The following IKBKG variants were observed in gnomAD, a reference collection of about 807,000 sequenced individuals.
IKBKG encodes NF-kappa-B essential modulator.
IKBKG carries 2 observed loss-of-function variants against 13.7 expected under a neutral mutation model. The observed-to-expected ratio is 0.15, with a 90% CI of 0.06 to 0.46. The LOEUF is 0.46. Ranked by LOEUF, IKBKG falls within the 20% of genes least tolerant of loss-of-function variation. The probability of loss-of-function intolerance (pLI) is 0.98; values close to 1 mark genes in which losing one functional copy is unlikely to be tolerated. For synonymous variants in IKBKG, 22 were observed against 64.4 expected, an observed-to-expected ratio of 0.34 and a Z score of 3.15; for missense variants, 53 against 150.3, an observed-to-expected ratio of 0.35 and a Z score of 3.39.
chrX:154,550,787 C>T (rs781899866), intron 1 of IKBKG, among the ~76,000 whole-genome samples: 2 of 110,413 alleles, frequency 1.8e-5, no homozygotes, highest in South Asian at 3.9e-4. Flanking sequence ...ACTACAGGCG[C>T]GTGTCACCAC....
chrX:154,548,489 C>CA (rs1477650164), intron 1 of IKBKG, among the ~76,000 whole-genome samples: 3 of 112,604 alleles, frequency 2.7e-5, no homozygotes, highest in Non-Finnish European at 5.6e-5. Flanking sequence ...AGCTCAGAGA[C>CA]AGTGCTTTGA....
Position 154,551,993 on chromosome X carries a change from G to T in IKBKG, c.-10G>T, listed in dbSNP as rs2070945639. ...CTGCTGCCTTTCTCTTTCAGCCCTT[G>T]CCCTGTTGGATGAATAGGCACCTCT... On this transcript the variant is annotated 5_prime_UTR_variant, in exon 2 of 10. Coordinates refer to ENST00000594239, the MANE Select transcript of IKBKG (RefSeq NM_001099857.5). 1 of 1,070,785 alleles carries T rather than the reference G, an allele frequency of 9.3e-7. No individual in the cohort carries two copies. The highest frequency in any genetic ancestry group is 1.2e-6 in the Non-Finnish European group (1 of 818,001). The allele number at this position is 1,070,785 out of a possible 1,213,427, so 88.2% of individuals were successfully genotyped here.
At chrX:154,555,855 C>G (rs368005587) in intron 2 of IKBKG, among the ~76,000 whole-genome samples, 1 of 113,090 alleles carries the variant, frequency 8.8e-6, no homozygotes, top group African/African-American at 3.2e-5. Context: ...GCTGGGATTA[C>G]AGGCATGAGC....
At chrX:154,547,326 C>T (rs1603415982), upstream of IKBKG, 1 of 754,873 alleles carries the variant, frequency 1.3e-6, no homozygotes, top group Non-Finnish European at 1.6e-6. Context: ...TCAAGCCGGC[C>T]CTATTGGGCA....
At chrX:154,555,039 C>G (rs2148374635) in intron 2 of IKBKG, among the ~76,000 whole-genome samples, 1 of 111,786 alleles carries the variant, frequency 8.9e-6, no homozygotes, top group South Asian at 3.7e-4. Context: ...TGCTGACTGC[C>G]TGGCACTGGC....
upstream of IKBKG, chrX:154,547,146 G>T (rs1557233792): frequency 6.2e-6 from 1 of 161,237 alleles, no homozygotes; most frequent in African/African-American, 3.1e-5. Context: ...TCGCCGGCCC[G>T]GCCCCGCCCC....
chrX:154,553,258 C>T (rs1251558882), intron 2 of IKBKG, among the ~76,000 whole-genome samples: 3 of 112,525 alleles, frequency 2.7e-5, no homozygotes, highest in Non-Finnish European at 1.9e-5. Flanking sequence ...AGCTCCTGGG[C>T]GAGGTGGCAT....
intron 1 of IKBKG, among the ~76,000 whole-genome samples, chrX:154,551,558 G>A (rs922398450): frequency 5.4e-5 from 6 of 111,601 alleles, no homozygotes; most frequent in African/African-American, 1.3e-4. Flanking sequence ...CCCTTTTCCC[G>A]AATCACATAT....
chrX:154,550,019 C>T (rs1466250530), intron 1 of IKBKG, among the ~76,000 whole-genome samples: 4 of 111,747 alleles, frequency 3.6e-5, no homozygotes, highest in East Asian at 5.6e-4. Flanking sequence ...GTTTTCATTT[C>T]TCTCCGGTAT....
chrX:154,547,304 C>A, upstream of IKBKG: 7 of 751,524 alleles, frequency 9.3e-6, no homozygotes, highest in Non-Finnish European at 1.1e-5. Flanking sequence ...GGAACCCTCG[C>A]CTGTTCGCGG....
upstream of IKBKG, chrX:154,547,465 T>C (rs2148356193): frequency 1.3e-6 from 1 of 754,185 alleles, no homozygotes; most frequent in Non-Finnish European, 1.6e-6. Context: ...TGCTTATCAT[T>C]ACCGAGCTTC....
intron 2 of IKBKG, among the ~76,000 whole-genome samples, chrX:154,555,344 A>G (rs1557235802): frequency 9.0e-6 from 1 of 111,566 alleles, no homozygotes; most frequent in African/African-American, 3.3e-5. Flanking sequence ...GAGGACCAAT[A>G]CCGAGCATCT....
intron 1 of IKBKG, among the ~76,000 whole-genome samples, chrX:154,551,112 A>T (rs910727068): frequency 3.2e-4 from 28 of 88,409 alleles, no homozygotes; most frequent in Admixed American, 4.8e-4. Context: ...GTGACCGGCA[A>T]TTTTTTTTTT....
upstream of IKBKG, among the ~76,000 whole-genome samples, chrX:154,542,762 CT>C (rs1332644964): frequency 2.7e-5 from 3 of 111,921 alleles, no homozygotes; most frequent in Non-Finnish European, 3.8e-5. Flanking sequence ...TGTGTTTGTG[CT>C]CTCCCGGCCC....
At chrX:154,553,166 G>A (rs1348081618) in intron 2 of IKBKG, among the ~76,000 whole-genome samples, 1 of 112,453 alleles carries the variant, frequency 8.9e-6, no homozygotes, top group Non-Finnish European at 1.9e-5. Flanking sequence ...CCACCCCATC[G>A]TGGAGGACAA....
chrX:154,542,525 C>G (rs782172801), upstream of IKBKG: 534 of 1,095,849 alleles, frequency 4.9e-4, 1 homozygote, highest in Non-Finnish European at 4.4e-4. Context: ...CTTGGTAACT[C>G]TGAGGTGCCA....
intron 2 of IKBKG, 69 bp downstream of exon 2, chrX:154,552,258 G>A: frequency 5.2e-6 from 5 of 952,664 alleles, no homozygotes; most frequent in Admixed American, 2.8e-5. Flanking sequence ...GCACCTCTGC[G>A]TTTCCTGGGC....
chrX:154,546,899 TG>T, upstream of IKBKG: 1 of 884,089 alleles, frequency 1.1e-6, no homozygotes, highest in Non-Finnish European at 1.5e-6. Context: ...GGCGGGCGCC[TG>T]GGCTGAGCGG....
upstream of IKBKG, chrX:154,542,547 A>C: frequency 9.6e-7 from 1 of 1,040,922 alleles, no homozygotes; most frequent in Non-Finnish European, 1.3e-6. Flanking sequence ...CAGGGCCCCC[A>C]GGAAGGAAGC....
Sources: allele counts gnomAD v4.1 joint callset (sites outside exome capture counted in the v4.1 genomes callset), GRCh38; gene constraint gnomAD v4.1.1; transcripts MANE v1.5; gene names NCBI Gene and HGNC (gene_info 2026-07-23, HGNC 2026-07-21).